OPCML: variants seen among roughly 807,000 people sequenced by gnomAD.
OPCML encodes the protein opioid binding protein/cell adhesion molecule like.
A neutral mutation model predicts 37.8 loss-of-function variants in OPCML; 13 were observed. The observed-to-expected ratio is 0.34, with a 90% CI of 0.22 to 0.55. The LOEUF (loss-of-function observed/expected upper bound fraction) is 0.55. Among genes scored for constraint, OPCML ranks in the 20% least tolerant of loss-of-function variants. The pLI is 0.91. For synonymous variants in OPCML, 176 were observed against 168.8 expected, an observed-to-expected ratio of 1.04 and a Z score of -0.33; for missense variants, 341 against 435.6, an observed-to-expected ratio of 0.78 and a Z score of 1.93.
At chr11:133,304,105 T>G (rs1024971529) in intron 1 of OPCML, among the ~76,000 whole-genome samples, 1 of 152,190 alleles carries the variant, frequency 6.6e-6, no homozygotes, top group African/African-American at 2.4e-5. Context: ...TTTAGAGATG[T>G]TCGCACAAGG....
At chr11:133,503,912 T>C (rs1017809859) in intron 1 of OPCML, among the ~76,000 whole-genome samples, 3 of 152,030 alleles carry the variant, frequency 2.0e-5, no homozygotes, top group African/African-American at 7.2e-5. Flanking sequence ...GCAGAGGAGA[T>C]GGACAGCCAG....
chr11:133,278,296 AT>A (rs1448626291), intron 1 of OPCML, among the ~76,000 whole-genome samples: 4 of 152,120 alleles, frequency 2.6e-5, no homozygotes, highest in Non-Finnish European at 5.9e-5. Flanking sequence ...ATGTGCAATG[AT>A]GAGGGTTTTG....
intron 1 of OPCML, among the ~76,000 whole-genome samples, chr11:133,459,539 A>G (rs1052645341): frequency 2.6e-5 from 4 of 152,098 alleles, no homozygotes; most frequent in Non-Finnish European, 5.9e-5. Context: ...AAGGTATTCT[A>G]TGCAAATAGT....
chr11:132,848,451 C>G lies in OPCML; in HGVS notation c.146+94475G>C, dbSNP rs542439397. ...AAGCAAGCTCATTGTGCAACATTCTCTGCCTTGTGGATGCACGCAGAATAT... is the reference window on the plus strand; with the variant it reads ...AAGCAAGCTCATTGTGCAACATTCTGTGCCTTGTGGATGCACGCAGAATAT... On this transcript the variant is annotated intron_variant, in intron 2 of 7. Transcript: ENST00000524381. Among the ~76,000 whole-genome samples the G allele has an allele frequency of 3.2e-4, 48 of 152,328 alleles. No homozygotes were observed. In the South Asian group the frequency reaches 9.5e-3, roughly 30 times the overall value.
intron 2 of OPCML, among the ~76,000 whole-genome samples, chr11:132,754,756 G>A (rs1945977098): frequency 6.6e-6 from 1 of 152,170 alleles, no homozygotes; most frequent in Non-Finnish European, 1.5e-5. Context: ...AGTTTGGAAT[G>A]TCAGTGGCTG....
chr11:133,090,990 C>T (rs1263491653), intron 1 of OPCML, among the ~76,000 whole-genome samples: 1 of 152,158 alleles, frequency 6.6e-6, no homozygotes, highest in South Asian at 2.1e-4. Context: ...AGTGCTAAGG[C>T]CTTGAGGGTA....
chr11:133,082,696 G>A (rs2137035180), intron 1 of OPCML, among the ~76,000 whole-genome samples: 1 of 126,212 alleles, frequency 7.9e-6, no homozygotes, highest in East Asian at 2.5e-4. Context: ...TACGAAGCCG[G>A]GCGAGGGGCT....
At chr11:132,687,275 T>C (rs919196360) in intron 2 of OPCML, among the ~76,000 whole-genome samples, 2 of 149,920 alleles carry the variant, frequency 1.3e-5, no homozygotes, top group African/African-American at 4.9e-5. Context: ...TTTGAATATG[T>C]TGATATATTC....
chr11:133,180,524 C>T (rs1412150306), intron 1 of OPCML, among the ~76,000 whole-genome samples: 2 of 152,108 alleles, frequency 1.3e-5, no homozygotes, highest in Non-Finnish European at 2.9e-5. Context: ...AGGATCTGCA[C>T]AAGAATCACA....
At chr11:133,018,395 T>G (rs1947378926) in intron 1 of OPCML, among the ~76,000 whole-genome samples, 1 of 152,178 alleles carries the variant, frequency 6.6e-6, no homozygotes, top group Admixed American at 6.5e-5. Context: ...CCCCTCCTTT[T>G]TATTCTTCCT....
intron 4 of OPCML, among the ~76,000 whole-genome samples, chr11:132,460,047 C>T (rs2096095815): frequency 6.6e-6 from 1 of 152,150 alleles, no homozygotes; most frequent in Non-Finnish European, 1.5e-5. Flanking sequence ...CTTGAGCTGG[C>T]AACCAAACAG....
chr11:132,828,567 TTA>T (rs1940502988), intron 2 of OPCML, among the ~76,000 whole-genome samples: 1 of 130,570 alleles, frequency 7.7e-6, no homozygotes, highest in Non-Finnish European at 1.6e-5. Context: ...AAAAGTCTAT[TTA>T]TTTTAAAACA....
At chr11:132,491,696 G>A (rs918812701) in intron 4 of OPCML, among the ~76,000 whole-genome samples, 1 of 152,166 alleles carries the variant, frequency 6.6e-6, no homozygotes, top group Non-Finnish European at 1.5e-5. Context: ...CTTTGAGCGA[G>A]GCACTGTTCT....
At chr11:132,547,566 A>C (rs1217936939) in intron 3 of OPCML, among the ~76,000 whole-genome samples, 1 of 152,192 alleles carries the variant, frequency 6.6e-6, no homozygotes, top group Non-Finnish European at 1.5e-5. Flanking sequence ...GAGAACTTAC[A>C]AATCTCACTC....
At chr11:132,767,986 G>C (rs1210042189) in intron 2 of OPCML, among the ~76,000 whole-genome samples, 1 of 152,140 alleles carries the variant, frequency 6.6e-6, no homozygotes, top group Non-Finnish European at 1.5e-5. Context: ...GATACTGTCA[G>C]AATATTGTCT....
Position 133,208,273 on chromosome 11 carries a change from C to A in OPCML, c.62-265263G>T, listed in dbSNP as rs756374224. On this transcript the variant is annotated intron_variant, in intron 1 of 7. Coordinates refer to ENST00000524381, the MANE Select transcript of OPCML (RefSeq NM_001012393.5). The surrounding 1 kb of genome is among the most constrained non-coding windows in gnomAD (Gnocchi z 8.9). ...ATTGCACTGTATTGTTGTATTACCACGTATAAATACCAGTGAGTGAATGAA... is the reference window on the plus strand; with the variant it reads ...ATTGCACTGTATTGTTGTATTACCAAGTATAAATACCAGTGAGTGAATGAA... Among the ~76,000 whole-genome samples the A allele has an allele frequency of 1.3e-5, 2 of 152,100 alleles. No individual in the cohort carries two copies. Among genetic ancestry groups the A allele is most frequent in the Admixed American group, 6.5e-5 (1 of 15,268 alleles).
intron 2 of OPCML, among the ~76,000 whole-genome samples, chr11:132,891,029 A>G (rs1943626172): frequency 1.3e-5 from 2 of 152,150 alleles, no homozygotes; most frequent in Non-Finnish European, 2.9e-5. Flanking sequence ...TCCGTCCCAC[A>G]TGGTAGTAGT....
intron 3 of OPCML, among the ~76,000 whole-genome samples, chr11:132,558,627 C>G (rs1309220881): frequency 6.7e-6 from 1 of 150,352 alleles, no homozygotes. Flanking sequence ...ATGAACCATC[C>G]TGTTTGAGTT....
intron 1 of OPCML, among the ~76,000 whole-genome samples, chr11:132,951,620 T>C (rs1379388200): frequency 2.0e-5 from 3 of 152,202 alleles, no homozygotes; most frequent in African/African-American, 7.2e-5. Flanking sequence ...TGGCACTCCC[T>C]AAGTCCATAA....
Sources: gnomAD v4.1 joint callset for allele counts (sites outside exome capture counted in the v4.1 genomes callset) on GRCh38, gnomAD v4.1.1 for gene constraint, Gnocchi (gnomAD v3.1) non-coding constraint, MANE v1.5 for transcripts, NCBI Gene and HGNC (gene_info 2026-07-23, HGNC 2026-07-21) for gene names.